MEF2C: variants seen among roughly 807,000 people sequenced by gnomAD.
The protein encoded by MEF2C is myocyte enhancer factor 2C.
MEF2C carries 6 observed loss-of-function variants against 50.5 expected under a neutral mutation model. The ratio of observed to expected loss-of-function variants is 0.12; its 90% CI spans 0.07 to 0.23. MEF2C has a LOEUF of 0.23. Ranked by LOEUF, MEF2C falls within the 10% of genes least tolerant of loss-of-function variation. The pLI, the probability that MEF2C is intolerant of heterozygous loss-of-function variation, is 1.00. For missense variants in MEF2C, 276 were observed against 605.0 expected (o/e 0.46, Z 5.70); for synonymous variants, 183 against 228.0 (o/e 0.80, Z 1.78).
At chr5:88,766,095 C>T (rs1019735115) in intron 3 of MEF2C, among the ~76,000 whole-genome samples, 1 of 152,130 alleles carries the variant, frequency 6.6e-6, no homozygotes, top group African/African-American at 2.4e-5. Flanking sequence ...CCAAAAACCA[C>T]GTGGAATCTT....
At chr5:88,730,178 A>T in intron 8 of MEF2C, 33 bp downstream of exon 8, 1 of 1,572,350 alleles carries the variant, frequency 6.4e-7, no homozygotes, top group African/African-American at 1.3e-5. Context: ...AGCTTTGCAC[A>T]TGCCATTTGA....
intron 1 of MEF2C, among the ~76,000 whole-genome samples, chr5:88,826,529 C>T (rs1810920240): frequency 6.6e-6 from 1 of 151,882 alleles, no homozygotes; most frequent in African/African-American, 2.4e-5. Flanking sequence ...TCAAGGCTGT[C>T]ACTAAAAATT....
chr5:88,771,319 C>T (rs1027626758), intron 3 of MEF2C: 6 of 563,590 alleles, frequency 1.1e-5, no homozygotes, highest in South Asian at 7.7e-5. Flanking sequence ...CTTTGATATA[C>T]GCCATTCCAT....
chr5:88,765,884 T>C (rs1363289549), intron 3 of MEF2C, among the ~76,000 whole-genome samples: 1 of 152,218 alleles, frequency 6.6e-6, no homozygotes, highest in African/African-American at 2.4e-5. Context: ...TGAGCAAGCC[T>C]GTATACTGAA....
intron 1 of MEF2C, among the ~76,000 whole-genome samples, chr5:88,862,266 T>C (rs1825756963): frequency 6.6e-6 from 1 of 152,210 alleles, no homozygotes; most frequent in Non-Finnish European, 1.5e-5. Context: ...CTAGTATTTT[T>C]ATTTTCCTGT....
intron 1 of MEF2C, among the ~76,000 whole-genome samples, chr5:88,860,845 T>C (rs1242850455): frequency 6.6e-6 from 1 of 152,222 alleles, no homozygotes; most frequent in Non-Finnish European, 1.5e-5. Flanking sequence ...TTTCCTTTCT[T>C]AAGGAAATTT....
intron 5 of MEF2C, among the ~76,000 whole-genome samples, chr5:88,750,662 T>G (rs759071268): frequency 5.3e-5 from 8 of 152,182 alleles, no homozygotes; most frequent in Non-Finnish European, 1.0e-4. Flanking sequence ...TTACTGAAAA[T>G]TCATACGAAA....
chr5:88,865,107 G>A (rs1826876221), intron 1 of MEF2C, among the ~76,000 whole-genome samples: 1 of 152,070 alleles, frequency 6.6e-6, no homozygotes, highest in Non-Finnish European at 1.5e-5. Flanking sequence ...ATGTTGCCCA[G>A]GCTGGTCTCA....
upstream of MEF2C, chr5:88,888,113 T>G (rs998314538): frequency 6.6e-6 from 1 of 152,260 alleles, no homozygotes; most frequent in Non-Finnish European, 1.5e-5. Flanking sequence ...TAAAATACTT[T>G]GGGATTAGTG....
intron 4 of MEF2C, among the ~76,000 whole-genome samples, chr5:88,758,452 A>C (rs1776341586): frequency 6.6e-6 from 1 of 152,148 alleles, no homozygotes; most frequent in South Asian, 2.1e-4. Flanking sequence ...GTAATTGAGG[A>C]ATATGGGCAT....
chr5:88,738,046 C>T (rs1050922288), intron 6 of MEF2C: 2 of 984,932 alleles, frequency 2.0e-6, no homozygotes, highest in East Asian at 1.1e-4. Flanking sequence ...AATGAGGCAG[C>T]GCAGAGAGAA....
intron 6 of MEF2C, among the ~76,000 whole-genome samples, chr5:88,747,494 G>A (rs1396475462): frequency 1.5e-5 from 1 of 68,274 alleles, no homozygotes; most frequent in Admixed American, 1.4e-4. Context: ...GACTACAGGC[G>A]CCCGCCACTA....
intron 1 of MEF2C, among the ~76,000 whole-genome samples, chr5:88,857,392 TGA>T (rs1823833196): frequency 6.6e-6 from 1 of 152,204 alleles, no homozygotes; most frequent in South Asian, 2.1e-4. Context: ...GTGTCTCAGA[TGA>T]GACTTTGGAT....
chr5:88,746,606 G>T (rs565685907), intron 6 of MEF2C: 191 of 985,170 alleles, frequency 1.9e-4, no homozygotes, highest in Non-Finnish European at 2.2e-4. Context: ...GCTATATTTT[G>T]GCCTTTTTGC....
chr5:88,766,277 G>A (rs1354316878), intron 3 of MEF2C, among the ~76,000 whole-genome samples: 1 of 152,098 alleles, frequency 6.6e-6, no homozygotes, highest in African/African-American at 2.4e-5. Context: ...GAATATAAAT[G>A]AAAAAGAATG....
intron 1 of MEF2C, among the ~76,000 whole-genome samples, chr5:88,880,256 GA>G (rs34730234): frequency 2.6e-5 from 4 of 151,388 alleles, no homozygotes; most frequent in Admixed American, 6.6e-5. Context: ...ATGTGCTTTT[GA>G]AAAAAAAGTG....
chr5:88,783,431 C>G (rs1389521945), intron 3 of MEF2C, among the ~76,000 whole-genome samples: 2 of 152,084 alleles, frequency 1.3e-5, no homozygotes, highest in Non-Finnish European at 2.9e-5. Flanking sequence ...GAGTTCAAGA[C>G]CAGCCTGACC....
intron 3 of MEF2C, among the ~76,000 whole-genome samples, chr5:88,803,420 G>A (rs1431157766): frequency 2.0e-5 from 3 of 152,152 alleles, no homozygotes; most frequent in Non-Finnish European, 4.4e-5. Context: ...GATGGATGTG[G>A]GAGGCATATT....
intron 1 of MEF2C, chr5:88,843,479 G>A (rs767901262): frequency 1.2e-4 from 116 of 984,674 alleles, no homozygotes; most frequent in Non-Finnish European, 1.4e-4. Context: ...GACAATTTAT[G>A]TTACACAATT....
Sources: allele counts gnomAD v4.1 joint callset (sites outside exome capture counted in the v4.1 genomes callset), GRCh38; gene constraint gnomAD v4.1.1; transcripts MANE v1.5; gene names NCBI Gene and HGNC (gene_info 2026-07-23, HGNC 2026-07-21).